Variants in PLCB4 observed in about 807,000 individuals in gnomAD.
PLCB4 encodes 1-phosphatidylinositol 4,5-bisphosphate phosphodiesterase beta-4.
Under a neutral mutation model 178.8 loss-of-function variants are expected in PLCB4, and 77 were observed. That is an observed-to-expected ratio of 0.43 (90% CI 0.36 to 0.52). PLCB4 has a LOEUF of 0.52. Ranked by LOEUF, PLCB4 falls within the 20% of genes least tolerant of loss-of-function variation. The pLI is 0.00. For missense variants in PLCB4, 1,024 were observed against 1,453.4 expected, an observed-to-expected ratio of 0.70 and a Z score of 4.80; for synonymous variants, 496 against 490.8, an observed-to-expected ratio of 1.01 and a Z score of -0.14.
chr20:9,246,956 T>C (rs6140903), intron 3 of PLCB4, among the ~76,000 whole-genome samples: 5,634 of 152,282 alleles, frequency 0.037, 166 homozygotes, highest in East Asian at 0.11. Context: ...CAAAGTATTA[T>C]GAATTGCAAT....
At chr20:9,206,215 A>C (rs1488079068) in intron 2 of PLCB4, among the ~76,000 whole-genome samples, 1 of 151,888 alleles carries the variant, frequency 6.6e-6, no homozygotes. Context: ...GCAAGGGAGC[A>C]GTGGCTTTAA....
intron 2 of PLCB4, among the ~76,000 whole-genome samples, chr20:9,133,035 C>T (rs2092307518): frequency 6.6e-6 from 1 of 152,130 alleles, no homozygotes. Flanking sequence ...TGTTGAGAAA[C>T]ACTGCTGTAG....
chr20:9,255,464 A>G (rs2094223900), intron 3 of PLCB4, among the ~76,000 whole-genome samples: 1 of 150,734 alleles, frequency 6.6e-6, no homozygotes, highest in African/African-American at 2.4e-5. Context: ...TCTCCTCTCT[A>G]CTACAGGTCT....
Position 9,114,718 on chromosome 20 carries a change from C to A in PLCB4, c.-79+18376C>A, listed in dbSNP as rs118034237. On this transcript the variant is annotated intron_variant, in intron 2 of 39. Transcript: ENST00000378473. ...AGCCAGTTGTTGTCAGCACTCTTCC[C>A]CCAACCCCAAATTAAAGGCAGCTTT... Among the ~76,000 whole-genome samples the A allele has an allele frequency of 2.2e-4, 34 of 152,248 alleles. No homozygotes were observed. In the East Asian group the frequency reaches 6.4e-3, roughly 29 times the overall value.
At chr20:9,120,939 G>A (rs912213458) in intron 2 of PLCB4, among the ~76,000 whole-genome samples, 6 of 152,198 alleles carry the variant, frequency 3.9e-5, no homozygotes, top group South Asian at 2.1e-4. Flanking sequence ...TGCCCCACAT[G>A]TGTTGTTGTG....
intron 4 of PLCB4, among the ~76,000 whole-genome samples, chr20:9,313,333 G>A (rs184284682): frequency 6.6e-6 from 1 of 152,268 alleles, no homozygotes; most frequent in East Asian, 1.9e-4. Context: ...TCTATTTAAA[G>A]TAAGGGTGCC....
In PLCB4 at chr20:9,408,210, C is replaced by T. The variant is rs184650446; in HGVS notation, c.1789+152C>T. 339 of 668,830 alleles carry T rather than the reference C, an allele frequency of 5.1e-4. 2 individuals are homozygous for T. Among genetic ancestry groups the T allele is most frequent in the East Asian group, 3.1e-3 (121 of 39,172 alleles). The allele number at this position is 668,830 out of a possible 1,614,324, so 41.4% of individuals were successfully genotyped here. A position where few individuals can be genotyped will look rare whatever the true frequency, so the allele number is the denominator to read the frequency against. On this transcript the variant is annotated intron_variant, in intron 22 of 39. Transcript: ENST00000378473. The stretch of plus-strand genomic sequence containing the variant: ...TTTGTTTCACAGACCATAGAAGCCA[C>T]CTTGGTATGTGGTGACATTACATTG...
intron 4 of PLCB4, among the ~76,000 whole-genome samples, chr20:9,309,706 C>T (rs1156389008): frequency 2.0e-5 from 3 of 152,120 alleles, no homozygotes; most frequent in African/African-American, 7.2e-5. Context: ...TTCAGTATAT[C>T]TCCTACTGTT....
intron 3 of PLCB4, among the ~76,000 whole-genome samples, chr20:9,222,239 A>C (rs778001035): frequency 1.3e-5 from 2 of 151,956 alleles, no homozygotes; most frequent in African/African-American, 4.8e-5. Context: ...ACAAGTATGC[A>C]CTACCATACC....
chr20:9,235,802 G>A (rs2093986917), intron 3 of PLCB4, among the ~76,000 whole-genome samples: 1 of 152,192 alleles, frequency 6.6e-6, no homozygotes, highest in Admixed American at 6.5e-5. Flanking sequence ...AAGCTCCACA[G>A]TCATTGTTTT....
intron 30 of PLCB4, 149 bp downstream of exon 30, chr20:9,437,301 C>T (rs756287388): frequency 1.5e-6 from 1 of 684,804 alleles, no homozygotes; most frequent in Admixed American, 3.0e-5. Flanking sequence ...CATCCCCACT[C>T]TCTTCCAGAC....
chr20:9,075,881 G>A (rs565337771), intron 1 of PLCB4, among the ~76,000 whole-genome samples: 2 of 152,282 alleles, frequency 1.3e-5, no homozygotes, highest in South Asian at 4.1e-4. Context: ...GCATGTTTGT[G>A]GTTTGACCCA....
intron 38 of PLCB4, among the ~76,000 whole-genome samples, chr20:9,476,238 C>G (rs1363436755): frequency 6.6e-6 from 1 of 152,164 alleles, no homozygotes; most frequent in African/African-American, 2.4e-5. Flanking sequence ...ACTTGGTCAG[C>G]CAACTATTCA....
intron 3 of PLCB4, among the ~76,000 whole-genome samples, chr20:9,223,023 C>T (rs1760185934): frequency 2.0e-5 from 3 of 152,124 alleles, no homozygotes; most frequent in African/African-American, 7.2e-5. Flanking sequence ...GGTTTGGCAG[C>T]TCAGATGTCA....
chr20:9,457,126 T>C (rs1229716902), intron 33 of PLCB4, among the ~76,000 whole-genome samples: 6 of 152,214 alleles, frequency 3.9e-5, no homozygotes, highest in Non-Finnish European at 8.8e-5. Flanking sequence ...GAAAAATAGC[T>C]TGAGAAAAAC....
chr20:9,090,434 G>A (rs755004468), intron 1 of PLCB4, among the ~76,000 whole-genome samples: 12 of 151,120 alleles, frequency 7.9e-5, no homozygotes, highest in Non-Finnish European at 1.2e-4. Context: ...TAGAAAGGGG[G>A]AGGGAAAAAA....
chr20:9,148,664 A>C (rs76964636), intron 2 of PLCB4, among the ~76,000 whole-genome samples: 35 of 152,272 alleles, frequency 2.3e-4, no homozygotes, highest in African/African-American at 8.4e-4. Flanking sequence ...AGCCTTCTAG[A>C]ATAGCTGGCA....
intron 9 of PLCB4, among the ~76,000 whole-genome samples, chr20:9,370,187 A>G (rs536491018): frequency 8.5e-5 from 13 of 152,312 alleles, no homozygotes; most frequent in Admixed American, 7.8e-4. Context: ...TATCTATTCT[A>G]CTAGCCTTGA....
At chr20:9,345,673 T>A (rs188443921) in intron 7 of PLCB4, among the ~76,000 whole-genome samples, 1 of 152,230 alleles carries the variant, frequency 6.6e-6, no homozygotes, top group African/African-American at 2.4e-5. Flanking sequence ...ACCAGACTGC[T>A]CATTATACTT....
Sources: allele counts gnomAD v4.1 joint callset (sites outside exome capture counted in the v4.1 genomes callset), GRCh38; gene constraint gnomAD v4.1.1; transcripts MANE v1.5; gene names NCBI Gene and HGNC (gene_info 2026-07-23, HGNC 2026-07-21).